Variants in MAML3 observed in about 807,000 individuals in gnomAD.
The protein encoded by MAML3 is mastermind-like protein 3.
MAML3 carries 27 observed loss-of-function variants against 101.9 expected under a neutral mutation model. The ratio of observed to expected loss-of-function variants is 0.27; its 90% confidence interval spans 0.20 to 0.37. The LOEUF (loss-of-function observed/expected upper bound fraction) is 0.37. MAML3 is among the 10% of genes least tolerant of loss of function. The pLI, the probability that MAML3 is intolerant of heterozygous loss-of-function variation, is 1.00. For missense variants in MAML3, 1,316 were observed against 1,444.9 expected, an observed-to-expected ratio of 0.91 and a Z score of 1.45; for synonymous variants, 501 against 555.9, an observed-to-expected ratio of 0.90 and a Z score of 1.39.
intron 1 of MAML3, among the ~76,000 whole-genome samples, chr4:140,107,465 T>C (rs1453401737): frequency 6.6e-6 from 1 of 151,922 alleles, no homozygotes; most frequent in Non-Finnish European, 1.5e-5. Context: ...GTCTGATATG[T>C]CCTCTTATTT....
intron 1 of MAML3, among the ~76,000 whole-genome samples, chr4:139,982,930 C>G (rs1734472852): frequency 6.6e-6 from 1 of 152,188 alleles, no homozygotes; most frequent in Admixed American, 6.5e-5. Flanking sequence ...AATCAGAGTA[C>G]AATGCTTAAA....
In MAML3 at chr4:140,067,298, T is replaced by C. The variant is rs559670468; in HGVS notation, c.468+85562A>G. On this transcript the variant is annotated intron_variant, in intron 1 of 4. Coordinates refer to ENST00000509479, the MANE Select transcript of MAML3 (RefSeq NM_018717.5). ...AAACATCTAAGACTCTCAGAAAGGATTTAATTTACTCTACTGCTCAGGGAT... is the reference window on the plus strand; with the variant it reads ...AAACATCTAAGACTCTCAGAAAGGACTTAATTTACTCTACTGCTCAGGGAT... Among the ~76,000 whole-genome samples, 77 of 152,192 alleles carry C rather than the reference T, an allele frequency of 5.1e-4. 2 individuals are homozygous for C. In the South Asian group the frequency reaches 0.016, roughly 31 times the overall value.
In MAML3 at chr4:140,118,265, G is replaced by T. The variant is rs190261741; in HGVS notation, c.468+34595C>A. 2.1e-3 allele frequency among the ~76,000 whole-genome samples: 320 copies of T among 151,658 alleles called. 2 individuals carry two copies. Among genetic ancestry groups the T allele is most frequent in the African/African-American group, 7.2e-3 (297 of 41,336 alleles). On this transcript the variant is annotated intron_variant, in intron 1 of 4. Transcript: ENST00000509479. Reference sequence around the variant, plus strand: ...CCTGGGTCCAAACCACAGCCCTACCGTGTACTAGCTGTATGACTTTTATCC... The same window carrying T: ...CCTGGGTCCAAACCACAGCCCTACCTTGTACTAGCTGTATGACTTTTATCC...
chr4:140,106,466 C>T (rs971319632), intron 1 of MAML3, among the ~76,000 whole-genome samples: 2 of 152,176 alleles, frequency 1.3e-5, no homozygotes, highest in Non-Finnish European at 2.9e-5. Flanking sequence ...TGTGTGTGGG[C>T]ATGTGTGTGC....
At chr4:140,117,854 T>C (rs1250091486) in intron 1 of MAML3, among the ~76,000 whole-genome samples, 1 of 151,982 alleles carries the variant, frequency 6.6e-6, no homozygotes, top group Non-Finnish European at 1.5e-5. Context: ...TCTAAGCACA[T>C]CAGACAATAT....
intron 2 of MAML3, among the ~76,000 whole-genome samples, chr4:139,836,572 G>C (rs1578624335): frequency 6.6e-6 from 1 of 152,272 alleles, no homozygotes; most frequent in Middle Eastern, 3.4e-3. Context: ...AATTAAAAAT[G>C]GCATACCACA....
At chr4:139,862,566 T>C (rs1731802617) in intron 2 of MAML3, among the ~76,000 whole-genome samples, 2 of 152,246 alleles carry the variant, frequency 1.3e-5, no homozygotes, top group Admixed American at 1.3e-4. Flanking sequence ...ACTCATGCTA[T>C]GCTGTAATCT....
chr4:140,041,438 A>C (rs1414453173), intron 1 of MAML3, among the ~76,000 whole-genome samples: 1 of 152,218 alleles, frequency 6.6e-6, no homozygotes, highest in African/African-American at 2.4e-5. Flanking sequence ...AGCCTGGCCA[A>C]CATGGCGAAA....
chr4:140,000,828 G>A (rs1260254946), intron 1 of MAML3, among the ~76,000 whole-genome samples: 2 of 152,128 alleles, frequency 1.3e-5, no homozygotes, highest in African/African-American at 4.8e-5. Context: ...AGGAGTTCAA[G>A]ACCAGCCTGA....
intron 1 of MAML3, among the ~76,000 whole-genome samples, chr4:139,955,462 A>G (rs1015112991): frequency 6.6e-6 from 1 of 152,196 alleles, no homozygotes; most frequent in Non-Finnish European, 1.5e-5. Context: ...TCCAAAAAGG[A>G]TAAGGTGAAC....
At chr4:139,904,981 C>T (rs905574309) in intron 1 of MAML3, among the ~76,000 whole-genome samples, 1 of 152,186 alleles carries the variant, frequency 6.6e-6, no homozygotes, top group South Asian at 2.1e-4. Context: ...TGTGGCCTGT[C>T]GTTGACTGAA....
intron 2 of MAML3, among the ~76,000 whole-genome samples, chr4:139,758,329 G>A (rs879349954): frequency 2.0e-5 from 3 of 152,168 alleles, no homozygotes; most frequent in Admixed American, 6.5e-5. Flanking sequence ...CTGAGTATAC[G>A]TTGCTGTGTA....
chr4:139,896,078 T>C (rs1732598885), intron 1 of MAML3, among the ~76,000 whole-genome samples: 1 of 152,158 alleles, frequency 6.6e-6, no homozygotes, highest in Non-Finnish European at 1.5e-5. Context: ...TATGGAAAGG[T>C]GGTCTGGGAG....
At chr4:139,943,061 T>C (rs1287477169) in intron 1 of MAML3, among the ~76,000 whole-genome samples, 1 of 152,222 alleles carries the variant, frequency 6.6e-6, no homozygotes, top group Admixed American at 6.5e-5. Flanking sequence ...CATTTATATA[T>C]GTGAAATGGG....
At chr4:140,044,507 T>A (rs1424437035) in intron 1 of MAML3, among the ~76,000 whole-genome samples, 2 of 152,040 alleles carry the variant, frequency 1.3e-5, no homozygotes, top group Non-Finnish European at 2.9e-5. Context: ...TTCGCAAGAG[T>A]CCGTTTCATC....
At chr4:139,893,822 G>A (rs1303344499) in intron 1 of MAML3, among the ~76,000 whole-genome samples, 3 of 152,104 alleles carry the variant, frequency 2.0e-5, no homozygotes, top group Non-Finnish European at 4.4e-5. Context: ...CTGTCAGAAA[G>A]GGCCAGTGCA....
At chr4:139,815,641 T>C (rs1730879567) in intron 2 of MAML3, among the ~76,000 whole-genome samples, 1 of 152,228 alleles carries the variant, frequency 6.6e-6, no homozygotes, top group Admixed American at 6.5e-5. Context: ...CAGAATAAGA[T>C]ATTCTGCATT....
intron 2 of MAML3, among the ~76,000 whole-genome samples, chr4:139,786,457 T>C (rs1730305497): frequency 2.0e-5 from 3 of 152,194 alleles, no homozygotes; most frequent in South Asian, 4.1e-4. Context: ...GCCCAGATGC[T>C]AATTTCACAG....
intron 2 of MAML3, among the ~76,000 whole-genome samples, chr4:139,805,172 G>A (rs571353360): frequency 9.3e-4 from 141 of 152,192 alleles, no homozygotes; most frequent in Admixed American, 4.1e-3. Context: ...CAACAAGAGC[G>A]AAAATCCGTC....
Sources: gnomAD v4.1 joint callset for allele counts (sites outside exome capture counted in the v4.1 genomes callset) on GRCh38, gnomAD v4.1.1 for gene constraint, MANE v1.5 for transcripts, NCBI Gene and HGNC (gene_info 2026-07-23, HGNC 2026-07-21) for gene names.